TOGARAM1: variants seen among roughly 807,000 people sequenced by gnomAD.
TOGARAM1 encodes the protein TOG array regulator of axonemal microtubules protein 1.
TOGARAM1 carries 100 observed loss-of-function variants against 166.6 expected under a neutral mutation model. The observed-to-expected ratio is 0.60, with a 90% CI of 0.51 to 0.71. The LOEUF is 0.71. TOGARAM1 is among the 30% of genes least tolerant of loss of function. The pLI, the probability that TOGARAM1 is intolerant of heterozygous loss-of-function variation, is 0.00. For missense variants in TOGARAM1, 2,029 were observed against 2,102.7 expected (o/e 0.96, Z 0.69); for synonymous variants, 758 against 763.8 (o/e 0.99, Z 0.13).
At chr14:44,974,323 C>T (rs1248918111) in intron 1 of TOGARAM1, among the ~76,000 whole-genome samples, 1 of 151,992 alleles carries the variant, frequency 6.6e-6, no homozygotes, top group Non-Finnish European at 1.5e-5. Flanking sequence ...CTTTCTGTTA[C>T]AGTGTTTTTG....
intron 16 of TOGARAM1, among the ~76,000 whole-genome samples, chr14:45,066,017 C>T (rs377357537): frequency 3.3e-4 from 50 of 152,258 alleles, no homozygotes; most frequent in African/African-American, 1.0e-3. Context: ...TAGTTTACTG[C>T]GCCTAAATTG....
chr14:45,049,426 A>G (rs1882248116), intron 14 of TOGARAM1, among the ~76,000 whole-genome samples: 1 of 151,816 alleles, frequency 6.6e-6, no homozygotes. Context: ...CACCCGGCTA[A>G]TTTTTTGTAT....
intron 1 of TOGARAM1, among the ~76,000 whole-genome samples, chr14:44,966,862 G>A (rs1290434606): frequency 6.6e-6 from 1 of 152,208 alleles, no homozygotes; most frequent in Non-Finnish European, 1.5e-5. Context: ...GGCTGAAGTG[G>A]GAGGATTGCT....
chr14:45,052,606 G>A (rs1412907670), intron 15 of TOGARAM1, 44 bp downstream of exon 15: 1 of 1,535,160 alleles, frequency 6.5e-7, no homozygotes. Context: ...TATAAGCAAA[G>A]CTTGTTTTTA....
chr14:44,991,520 C>T (rs1034148804), intron 1 of TOGARAM1, among the ~76,000 whole-genome samples: 7 of 152,162 alleles, frequency 4.6e-5, no homozygotes, highest in African/African-American at 9.6e-5. Context: ...TCAATAGTTC[C>T]GTTTTTAGGA....
At chr14:45,043,330 A>G (rs1413093562) in intron 11 of TOGARAM1, among the ~76,000 whole-genome samples, 1 of 152,120 alleles carries the variant, frequency 6.6e-6, no homozygotes, top group Non-Finnish European at 1.5e-5. Context: ...GGTGTCCACC[A>G]CCATGCCCAG....
intron 14 of TOGARAM1, among the ~76,000 whole-genome samples, chr14:45,047,075 A>G (rs997696617): frequency 6.6e-6 from 1 of 152,152 alleles, no homozygotes; most frequent in Non-Finnish European, 1.5e-5. Flanking sequence ...CAGGTAAAAT[A>G]AGGAAATAGG....
intron 3 of TOGARAM1, among the ~76,000 whole-genome samples, chr14:45,002,615 A>G (rs1887738808): frequency 6.6e-6 from 1 of 152,218 alleles, no homozygotes; most frequent in Admixed American, 6.5e-5. Flanking sequence ...ATTTTGGTGT[A>G]TGTTGCATTG....
chr14:44,992,427 G>A (rs1348301141), intron 1 of TOGARAM1, among the ~76,000 whole-genome samples: 2 of 151,876 alleles, frequency 1.3e-5, no homozygotes, highest in African/African-American at 4.8e-5. Flanking sequence ...TTTAGTACAA[G>A]TTCAGTAAAG....
chr14:45,002,646 A>G (rs1490471008), intron 3 of TOGARAM1, among the ~76,000 whole-genome samples: 6 of 152,190 alleles, frequency 3.9e-5, no homozygotes, highest in African/African-American at 7.2e-5. Context: ...ATGTATATGC[A>G]TAGTATGATA....
intron 1 of TOGARAM1, among the ~76,000 whole-genome samples, chr14:44,974,950 G>A (rs1253731174): frequency 6.6e-6 from 1 of 151,894 alleles, no homozygotes; most frequent in Non-Finnish European, 1.5e-5. Context: ...TACAATTAAG[G>A]TGAGGGAGGG....
In TOGARAM1 at chr14:45,046,672, A is replaced by C; in HGVS notation, c.4282A>C (p.Lys1428Gln). 1.5e-6 allele frequency: 2 copies of C among 1,320,102 alleles called. No individual in the cohort carries two copies. Among genetic ancestry groups the C allele is most frequent in the Non-Finnish European group, 1.9e-6 (2 of 1,025,814 alleles). The allele number at this position is 1,320,102 out of a possible 1,614,324, so 81.8% of individuals were successfully genotyped here. ...TGAACGCATATTACCAGCTGCTGCT[A>C]AGTTTGCTCAAGACAGTTCACAAGA... ...MAERILPAAA[K>Q]FAQDSSQETR... The change falls in exon 14 of 20, where the codon AAG becomes CAG. Residue 1428 changes from lysine (K) to glutamine (Q), a missense_variant. Physicochemically the swap from Lys to Gln is moderately conservative, Grantham distance 53. This residue lies in a region of TOGARAM1 where 576 missense variants were observed against 670.5 expected (regional missense o/e 0.86). Transcript: ENST00000361462.
At chr14:45,043,612 A>T in intron 11 of TOGARAM1, 74 bp from the exon 12 acceptor site, 1 of 874,510 alleles carries the variant, frequency 1.1e-6, no homozygotes, top group Non-Finnish European at 1.9e-6. Context: ...CATACACAGA[A>T]AATAAGACAT....
chr14:44,999,233 C>T (rs1484726026), intron 2 of TOGARAM1, 130 bp from the exon 3 acceptor site: 3 of 831,976 alleles, frequency 3.6e-6, no homozygotes, highest in Non-Finnish European at 1.7e-6. Flanking sequence ...TTCTTGCCTG[C>T]CTACCTCACT....
intron 16 of TOGARAM1, among the ~76,000 whole-genome samples, chr14:45,056,235 C>A (rs1047452916): frequency 7.9e-5 from 12 of 152,066 alleles, no homozygotes; most frequent in Admixed American, 6.6e-5. Context: ...TGTATCTTGA[C>A]ATTTTACTGA....
rs201382313 is a variant in TOGARAM1, at chr14:44,963,459, T to C, written c.1038T>C (p.Leu346=). ...PCAVTLSNSN[L]KFGIIPQELH... is the part of the protein sequence containing the mutation. ...CAGTGACTCTTTCCAACAGCAATCT[T>C]AAATTTGGGATTATTCCTCAGGAGC... The change falls in exon 1 of 20, where the codon CTT becomes CTC. Residue 346 remains leucine (L), a synonymous_variant. Transcript: ENST00000361462. 6.2e-7 allele frequency: 1 copy of C among 1,614,126 alleles called. No individual in the cohort carries two copies. The highest frequency in any genetic ancestry group is 8.5e-7 in the Non-Finnish European group (1 of 1,180,024).
In TOGARAM1 at chr14:45,066,751, T is replaced by A; in HGVS notation, c.4733T>A (p.Val1578Asp). The change falls in exon 17 of 20, where the codon GTT becomes GAT. Residue 1578 changes from valine (V) to aspartate (D), a missense_variant. Coordinates refer to ENST00000361462, the MANE Select transcript of TOGARAM1 (RefSeq NM_001308120.2). ...SDTENNQDLV[V>D]GNIVKIFDAF... ...ACAGAAAATAATCAAGACCTTGTTG[T>A]TGGAAACATTGTGAAGGTAAGGACT... 6.2e-7 allele frequency: 1 copy of A among 1,612,382 alleles called. No individual in the cohort carries two copies. The highest frequency in any genetic ancestry group is 2.2e-5 in the East Asian group (1 of 44,834).
intron 10 of TOGARAM1, among the ~76,000 whole-genome samples, chr14:45,031,135 C>T (rs1254933188): frequency 6.6e-6 from 1 of 152,126 alleles, no homozygotes; most frequent in East Asian, 1.9e-4. Context: ...CATTTTCTCA[C>T]AGATAACATG....
At chr14:45,017,432 C>CAG (rs1555347172) in intron 7 of TOGARAM1, among the ~76,000 whole-genome samples, 1 of 151,248 alleles carries the variant, frequency 6.6e-6, no homozygotes, top group African/African-American at 2.5e-5. Flanking sequence ...CACACACACA[C>CAG]ACGTTTTTAG....
Sources: gnomAD v4.1 joint callset for allele counts (sites outside exome capture counted in the v4.1 genomes callset) on GRCh38, gnomAD v4.1.1 for gene constraint, gnomAD v4.1.1 regional missense constraint, MANE v1.5 for transcripts, NCBI Gene and HGNC (gene_info 2026-07-23, HGNC 2026-07-21) for gene names.